Variants in CD84 observed in about 807,000 individuals in gnomAD.
CD84 encodes the protein CD84 molecule, also known as SLAM family member 5.
A neutral mutation model predicts 33.8 loss-of-function variants in CD84; 22 were observed. The observed-to-expected ratio is 0.65, with a 90% CI of 0.46 to 0.93. CD84 has a LOEUF of 0.93. Among genes scored for constraint, CD84 ranks in the 40% least tolerant of loss-of-function variants. The probability of loss-of-function intolerance (pLI) is 0.00; values close to 1 mark genes in which losing one functional copy is unlikely to be tolerated. For synonymous variants in CD84, 154 were observed against 145.2 expected, an observed-to-expected ratio of 1.06 and a Z score of -0.44; for missense variants, 400 against 397.6, an observed-to-expected ratio of 1.01 and a Z score of -0.05.
intron 1 of CD84, among the ~76,000 whole-genome samples, chr1:160,572,584 G>A (rs1657757754): frequency 6.6e-6 from 1 of 151,352 alleles, no homozygotes; most frequent in Non-Finnish European, 1.5e-5. Context: ...ATTGGGGGGG[G>A]GAATGTTACT....
At position 160,554,364 on chromosome 1, in the gene CD84, C is replaced by T. The variant is rs533954059; in HGVS notation, c.389-218G>A. Among the ~76,000 whole-genome samples the T allele has an allele frequency of 4.6e-5, 7 of 152,260 alleles. No homozygotes were observed. In the East Asian group the frequency reaches 7.7e-4, roughly 17 times the overall value. On this transcript the variant is annotated intron_variant, in intron 2 of 6. Transcript: ENST00000368054. ...GACATTTTCCTGCTGTCTATGCTCT[C>T]GAGGTTATCTACATCTATTGTATCT...
At position 160,544,441 on chromosome 1, in the gene CD84, G is replaced by A. The variant is rs899049055; in HGVS notation, c.*3815C>T. 10 of 152,030 alleles carry A rather than the reference G, an allele frequency of 6.6e-5. No homozygotes were observed. Among genetic ancestry groups the A allele is most frequent in the Non-Finnish European group, 7.4e-5 (5 of 68,022 alleles). The allele number at this position is 152,030 out of a possible 1,614,324, so 9.4% of individuals were successfully genotyped here. A position where few individuals can be genotyped will look rare whatever the true frequency, so the allele number is the denominator to read the frequency against. On this transcript the variant is annotated 3_prime_UTR_variant, in exon 7 of 7. Coordinates refer to ENST00000368054, the MANE Select transcript of CD84 (RefSeq NM_003874.4). Reference sequence around the variant, plus strand: ...ATTACAGGCATGAGCCACTGCGCCTGGCCTTCAAGCTTCATTTTACAATCA... The same window carrying A: ...ATTACAGGCATGAGCCACTGCGCCTAGCCTTCAAGCTTCATTTTACAATCA...
At position 160,570,497 on chromosome 1, in the gene CD84, G is replaced by A. The variant is rs561012529; in HGVS notation, c.47-4752C>T. Among the ~76,000 whole-genome samples, 69 of 152,220 alleles carry A rather than the reference G, an allele frequency of 4.5e-4. 1 individual carries two copies. Among genetic ancestry groups the A allele is most frequent in the Non-Finnish European group, 8.8e-4 (60 of 68,010 alleles). ...ATTGTCCTGCTTTCTTCTAGCTAACGTTGGTCATATGACTAAGTTCAGCCC... is the reference window on the plus strand; with the variant it reads ...ATTGTCCTGCTTTCTTCTAGCTAACATTGGTCATATGACTAAGTTCAGCCC... On this transcript the variant is annotated intron_variant, in intron 1 of 6. Coordinates refer to ENST00000368054, the MANE Select transcript of CD84 (RefSeq NM_003874.4).
chr1:160,575,494 A>AATAC (rs5778167), intron 1 of CD84, among the ~76,000 whole-genome samples: 1,529 of 146,800 alleles, frequency 0.01, 9 homozygotes, highest in East Asian at 0.015. Flanking sequence ...GTTCCTTCAA[A>AATAC]ACACACACAC....
intron 1 of CD84, among the ~76,000 whole-genome samples, chr1:160,566,707 T>A (rs1657349818): frequency 6.6e-6 from 1 of 152,148 alleles, no homozygotes; most frequent in African/African-American, 2.4e-5. Flanking sequence ...AGGCACAAAA[T>A]ATGTAAGCAT....
At position 160,542,331 on chromosome 1, in the gene CD84, A is replaced by G. The variant is rs1655583670; in HGVS notation, c.*5925T>C. On this transcript the variant is annotated 3_prime_UTR_variant, in exon 7 of 7. Transcript: ENST00000368054. Reference sequence around the variant, plus strand: ...GAATAGTACATAGTAGGCACTGGATAAATGTTAATTATTTTGATTATGGTG... The same window carrying G: ...GAATAGTACATAGTAGGCACTGGATGAATGTTAATTATTTTGATTATGGTG... 6.6e-6 allele frequency: 1 copy of G among 152,232 alleles called. No homozygotes were observed. Among genetic ancestry groups the G allele is most frequent in the Non-Finnish European group, 1.5e-5 (1 of 68,034 alleles). The allele number at this position is 152,232 out of a possible 1,614,324, so 9.4% of individuals were successfully genotyped here.
Position 160,553,501 on chromosome 1 carries a change from G to T in CD84, c.641-4C>A. ...GTACGGAAGCCCATTGCGATGTCTG[G>T]AAATAGAAGATGCAGTGAGTCTTGA... On this transcript the variant is annotated splice_polypyrimidine_tract_variant and splice_region_variant and intron_variant, in intron 3 of 6. Transcript: ENST00000368054. 6.2e-7 allele frequency: 1 copy of T among 1,614,094 alleles called. No individual in the cohort carries two copies. The highest frequency in any genetic ancestry group is 1.1e-5 in the South Asian group (1 of 91,080).
intron 1 of CD84, among the ~76,000 whole-genome samples, chr1:160,569,517 T>TACACACAC (rs140655590): frequency 6.8e-6 from 1 of 147,868 alleles, no homozygotes; most frequent in South Asian, 2.2e-4. Flanking sequence ...GGAAATAAGA[T>TACACACAC]ACACACACAC....
intron 1 of CD84, among the ~76,000 whole-genome samples, chr1:160,567,931 C>T (rs2369720): frequency 6.6e-6 from 1 of 152,102 alleles, no homozygotes; most frequent in Admixed American, 6.5e-5. Flanking sequence ...CTGAACTGGA[C>T]TTAAGGCTGC....
intron 1 of CD84, 95 bp from the exon 2 acceptor site, chr1:160,565,840 C>A: frequency 4.1e-6 from 4 of 974,040 alleles, no homozygotes; most frequent in Non-Finnish European, 4.4e-6. Flanking sequence ...GGAGCTGCCA[C>A]AAATGCAGTT....
At chr1:160,548,409 A>C (rs903615687) in intron 6 of CD84, 88 bp from the exon 7 acceptor site, 1 of 1,353,494 alleles carries the variant, frequency 7.4e-7, no homozygotes, top group Non-Finnish European at 1.1e-6. Context: ...GAGTTAAGCA[A>C]ATGGCACGGG....
intron 1 of CD84, among the ~76,000 whole-genome samples, chr1:160,573,615 C>G (rs1192125466): frequency 6.6e-6 from 1 of 152,148 alleles, no homozygotes; most frequent in Non-Finnish European, 1.5e-5. Context: ...AACATCATCT[C>G]ATTAGAAAGA....
At chr1:160,549,330 G>A (rs566399257) in intron 6 of CD84, among the ~76,000 whole-genome samples, 22 of 152,300 alleles carry the variant, frequency 1.4e-4, no homozygotes, top group Non-Finnish European at 2.5e-4. Context: ...TGTAGCAGCA[G>A]TGAGGACCTT....
At chr1:160,569,549 C>A (rs567909288) in intron 1 of CD84, among the ~76,000 whole-genome samples, 19 of 150,824 alleles carry the variant, frequency 1.3e-4, no homozygotes, top group Admixed American at 1.1e-3. Context: ...CACGCACGCA[C>A]GCACGCACGC....
chr1:160,577,847 T>C (rs1314222202), intron 1 of CD84, among the ~76,000 whole-genome samples: 1 of 152,198 alleles, frequency 6.6e-6, no homozygotes, highest in Non-Finnish European at 1.5e-5. Flanking sequence ...AGGAGGAATG[T>C]AACTTCGTCT....
chr1:160,569,143 T>C (rs554999096), intron 1 of CD84, among the ~76,000 whole-genome samples: 24 of 152,200 alleles, frequency 1.6e-4, no homozygotes, highest in Non-Finnish European at 3.2e-4. Flanking sequence ...AGGCCACCCT[T>C]ATGATGGCGT....
Position 160,547,365 on chromosome 1 carries a change from G to A in CD84, c.*891C>T, listed in dbSNP as rs1399205625. The A allele has an allele frequency of 7.3e-5, 29 of 395,162 alleles. No homozygotes were observed. The highest frequency in any genetic ancestry group is 4.5e-6 in the Non-Finnish European group (1 of 224,448). The allele number at this position is 395,162 out of a possible 1,614,324, so 24.5% of individuals were successfully genotyped here. A position where few individuals can be genotyped will look rare whatever the true frequency, so the allele number is the denominator to read the frequency against. Reference sequence around the variant, plus strand: ...TCCTTTTGGAGAGTGGGAATACTGGGCATGGCTGCTTCTTCTGCTGAGGCT... The same window carrying A: ...TCCTTTTGGAGAGTGGGAATACTGGACATGGCTGCTTCTTCTGCTGAGGCT... On this transcript the variant is annotated 3_prime_UTR_variant, in exon 7 of 7. Transcript: ENST00000368054.
intron 1 of CD84, among the ~76,000 whole-genome samples, chr1:160,567,037 A>G (rs1038118660): frequency 5.9e-5 from 9 of 152,162 alleles, no homozygotes; most frequent in African/African-American, 1.9e-4. Flanking sequence ...ATGATATCCA[A>G]AGTATTTAAT....
At chr1:160,565,181 C>T (rs1298350846) in intron 2 of CD84, among the ~76,000 whole-genome samples, 1 of 143,332 alleles carries the variant, frequency 7.0e-6, no homozygotes, top group African/African-American at 2.8e-5. Flanking sequence ...AACCAAGGCC[C>T]AGGGGACCAA....
Sources: gnomAD v4.1 joint callset for allele counts (sites outside exome capture counted in the v4.1 genomes callset) on GRCh38, gnomAD v4.1.1 for gene constraint, MANE v1.5 for transcripts, NCBI Gene and HGNC (gene_info 2026-07-23, HGNC 2026-07-21) for gene names.